The following TSPAN15 variants were observed in gnomAD, a reference collection of about 807,000 sequenced individuals.
TSPAN15 encodes the protein tetraspanin-15.
TSPAN15 carries 20 observed loss-of-function variants against 34.5 expected under a neutral mutation model. The observed-to-expected ratio is 0.58, with a 90% CI of 0.41 to 0.84. The LOEUF (loss-of-function observed/expected upper bound fraction) is 0.84, where lower values mean the gene tolerates loss of function less well. Ranked by LOEUF, TSPAN15 falls within the 40% of genes least tolerant of loss-of-function variation. The pLI is 0.00. For missense variants in TSPAN15, 313 were observed against 386.1 expected, an observed-to-expected ratio of 0.81 and a Z score of 1.59; for synonymous variants, 155 against 153.9, an observed-to-expected ratio of 1.01 and a Z score of -0.05.
At chr10:69,539,473 A>AAGG in the TSPAN15 span, among the ~76,000 whole-genome samples, 8 of 61,628 alleles carry the variant, frequency 1.3e-4, no homozygotes, top group African/African-American at 4.8e-4. Flanking sequence ...GGAGAAGGAG[A>AAGG]AGGAGAAGGA....
chr10:69,499,614 G>A (rs957107909), intron 5 of TSPAN15, among the ~76,000 whole-genome samples: 42 of 152,358 alleles, frequency 2.8e-4, no homozygotes, highest in African/African-American at 9.4e-4. Flanking sequence ...TTCTGGGGGT[G>A]TAGCAAACAA....
In TSPAN15 at chr10:69,507,618, C is replaced by G. The variant is rs1273502955; in HGVS notation, c.*640C>G. 8.5e-6 allele frequency: 11 copies of G among 1,299,872 alleles called. No individual in the cohort carries two copies. Among genetic ancestry groups the G allele is most frequent in the Non-Finnish European group, 1.1e-5 (11 of 987,922 alleles). 80.5% of individuals were successfully genotyped at this position (1,299,872 alleles called of 1,614,324 possible). On this transcript the variant is annotated 3_prime_UTR_variant, in exon 8 of 8. Coordinates refer to ENST00000373290, the MANE Select transcript of TSPAN15 (RefSeq NM_012339.5). Reference sequence around the variant, plus strand: ...CGCATGTCTTATTCTTGCCCTTCCCCCAACCAGTTTGTTAATCAAACAATA... The same window carrying G: ...CGCATGTCTTATTCTTGCCCTTCCCGCAACCAGTTTGTTAATCAAACAATA...
the TSPAN15 span, among the ~76,000 whole-genome samples, chr10:69,518,285 C>T: frequency 6.6e-6 from 1 of 152,242 alleles, no homozygotes; most frequent in African/African-American, 2.4e-5. Flanking sequence ...ATGGACAGAG[C>T]ATCACTGAGA....
At chr10:69,458,332 G>A (rs1054390791) in intron 1 of TSPAN15, among the ~76,000 whole-genome samples, 1 of 152,210 alleles carries the variant, frequency 6.6e-6, no homozygotes, top group Non-Finnish European at 1.5e-5. Context: ...AAAGATTCAA[G>A]CCATTTGGGA....
rs1043347901 is a variant in TSPAN15, at chr10:69,451,485, C to T, written c.-110C>T. On this transcript the variant is annotated 5_prime_UTR_variant, in exon 1 of 8. Coordinates refer to ENST00000373290, the MANE Select transcript of TSPAN15 (RefSeq NM_012339.5). ...CCAGTGTCAGTCCCGGAGAGAACGC[C>T]GGTGGCGGGGCTGGTAGCCCGGCAG... is the stretch of plus-strand genomic sequence containing the variant. 7.8e-7 allele frequency: 1 copy of T among 1,284,964 alleles called. No homozygotes were observed. Among genetic ancestry groups the T allele is most frequent in the Non-Finnish European group, 9.8e-7 (1 of 1,015,260 alleles). The allele number at this position is 1,284,964 out of a possible 1,614,324, so 79.6% of individuals were successfully genotyped here. A position where few individuals can be genotyped will look rare whatever the true frequency, so the allele number is the denominator to read the frequency against.
chr10:69,536,613 G>A, the TSPAN15 span, among the ~76,000 whole-genome samples: 3 of 152,076 alleles, frequency 2.0e-5, no homozygotes, highest in Non-Finnish European at 4.4e-5. Context: ...CTCTCTCCTT[G>A]GCTTGCAAAT....
At chr10:69,515,420 C>T in the TSPAN15 span, among the ~76,000 whole-genome samples, 1 of 150,730 alleles carries the variant, frequency 6.6e-6, no homozygotes, top group East Asian at 1.9e-4. Context: ...ACAGGAAGAT[C>T]CAGCTCCCAC....
At chr10:69,460,582 T>C (rs1302324811) in intron 1 of TSPAN15, among the ~76,000 whole-genome samples, 1 of 152,098 alleles carries the variant, frequency 6.6e-6, no homozygotes, top group African/African-American at 2.4e-5. Flanking sequence ...TCAGACCAGC[T>C]GGCTGGAGGA....
At chr10:69,495,154 G>A (rs1327885190) in intron 3 of TSPAN15, 1 of 162,866 alleles carries the variant, frequency 6.1e-6, no homozygotes. Context: ...TGGTGGAGGA[G>A]TGTGGAGAGG....
chr10:69,534,018 T>C, the TSPAN15 span, among the ~76,000 whole-genome samples: 1 of 152,196 alleles, frequency 6.6e-6, no homozygotes, highest in East Asian at 1.9e-4. Flanking sequence ...CACACAATAC[T>C]CTAGGAAAAT....
the TSPAN15 span, among the ~76,000 whole-genome samples, chr10:69,545,821 T>C: frequency 6.6e-6 from 1 of 152,248 alleles, no homozygotes; most frequent in African/African-American, 2.4e-5. Flanking sequence ...CTGGGCGTAG[T>C]GGTGGGCACC....
chr10:69,489,687 C>T (rs1564611081), intron 3 of TSPAN15, among the ~76,000 whole-genome samples: 1 of 152,212 alleles, frequency 6.6e-6, no homozygotes, highest in East Asian at 1.9e-4. Flanking sequence ...GAGGAAACTC[C>T]CCCTGGCTCT....
chr10:69,456,914 C>G (rs1377736327), intron 1 of TSPAN15, among the ~76,000 whole-genome samples: 1 of 152,174 alleles, frequency 6.6e-6, no homozygotes, highest in Non-Finnish European at 1.5e-5. Context: ...GTGTTTGAGG[C>G]TCACTTGTCA....
intron 3 of TSPAN15, among the ~76,000 whole-genome samples, chr10:69,487,122 C>T (rs1402256774): frequency 6.6e-6 from 1 of 152,006 alleles, no homozygotes; most frequent in African/African-American, 2.4e-5. Context: ...AGCCCAGGTC[C>T]AGTTTGTGGC....
the TSPAN15 span, among the ~76,000 whole-genome samples, chr10:69,546,084 C>T: frequency 2.0e-5 from 3 of 152,152 alleles, no homozygotes; most frequent in Admixed American, 6.5e-5. Context: ...ATTCCTAGTC[C>T]GTATTCTTCA....
chr10:69,537,096 AG>A, the TSPAN15 span, among the ~76,000 whole-genome samples: 24 of 151,972 alleles, frequency 1.6e-4, no homozygotes, highest in East Asian at 2.7e-3. Context: ...CAGTCACATT[AG>A]GGATTAGGGT....
chr10:69,502,542 G>A (rs760816644), intron 5 of TSPAN15, among the ~76,000 whole-genome samples: 5 of 152,194 alleles, frequency 3.3e-5, no homozygotes, highest in South Asian at 2.1e-4. Context: ...CTGTGGCCCC[G>A]TGCAGGATGG....
intron 1 of TSPAN15, among the ~76,000 whole-genome samples, chr10:69,470,391 T>C (rs1311963107): frequency 1.3e-5 from 2 of 152,202 alleles, no homozygotes; most frequent in African/African-American, 2.4e-5. Flanking sequence ...GAAAGAACTT[T>C]TAAAAGTTAA....
downstream of TSPAN15, among the ~76,000 whole-genome samples, chr10:69,511,148 AT>A (rs1365539009): frequency 1.4e-4 from 22 of 152,360 alleles, no homozygotes; most frequent in African/African-American, 5.3e-4. Context: ...TTCAGAAGGA[AT>A]GGTACCAGTT....
Sources: gnomAD v4.1 joint callset for allele counts (sites outside exome capture counted in the v4.1 genomes callset) on GRCh38, gnomAD v4.1.1 for gene constraint, MANE v1.5 for transcripts, NCBI Gene and HGNC (gene_info 2026-07-23, HGNC 2026-07-21) for gene names.